ZEB2: variants seen among roughly 807,000 people sequenced by gnomAD.
The protein encoded by ZEB2 is zinc finger E-box binding homeobox 2, also known as zinc finger E-box-binding homeobox 2.
A neutral mutation model predicts 99.9 loss-of-function variants in ZEB2; 6 were observed. The observed-to-expected ratio is 0.06, with a 90% CI of 0.03 to 0.12. The LOEUF is 0.12. Among genes scored for constraint, ZEB2 ranks in the 10% least tolerant of loss-of-function variants. The probability of loss-of-function intolerance (pLI) is 1.00; values close to 1 mark genes in which losing one functional copy is unlikely to be tolerated. For missense variants in ZEB2, 969 were observed against 1,502.8 expected (o/e 0.64, Z 5.87); for synonymous variants, 517 against 542.5 (o/e 0.95, Z 0.65).
At chr2:144,468,221 A>G (rs1395617248) in intron 2 of ZEB2, among the ~76,000 whole-genome samples, 1 of 152,146 alleles carries the variant, frequency 6.6e-6, no homozygotes, top group Admixed American at 6.6e-5. Context: ...GGGAAGCTCG[A>G]TTCCATTTAT....
intron 4 of ZEB2, among the ~76,000 whole-genome samples, chr2:144,424,168 A>G (rs1703658388): frequency 6.6e-6 from 1 of 152,344 alleles, no homozygotes; most frequent in Non-Finnish European, 1.5e-5. Context: ...GCAGTAGCAG[A>G]GTAAAACAAA....
chr2:144,447,692 C>T (rs78888738), intron 2 of ZEB2, among the ~76,000 whole-genome samples: 2,462 of 152,292 alleles, frequency 0.016, 72 homozygotes, highest in African/African-American at 0.056. Flanking sequence ...GTCCCTAACT[C>T]GTAGCTGAGT....
intron 2 of ZEB2, among the ~76,000 whole-genome samples, chr2:144,465,793 G>A (rs1185996237): frequency 6.6e-6 from 1 of 152,102 alleles, no homozygotes; most frequent in African/African-American, 2.4e-5. Context: ...AGTGTCACTC[G>A]TACATATTTA....
intron 2 of ZEB2, chr2:144,455,154 C>T (rs2149901642): frequency 6.6e-6 from 1 of 152,264 alleles, no homozygotes; most frequent in East Asian, 1.9e-4. Context: ...AAACCTGCCG[C>T]TTCAATCCGC....
At chr2:144,396,215 G>A (rs1340448104) in intron 9 of ZEB2, among the ~76,000 whole-genome samples, 197 bp downstream of exon 9, 2 of 152,148 alleles carry the variant, frequency 1.3e-5, no homozygotes, top group African/African-American at 4.8e-5. Flanking sequence ...ATTAAGACAA[G>A]CACACTCATA....
intron 1 of ZEB2, chr2:144,518,202 TAAGAA>T (rs1478523782): frequency 1.3e-5 from 2 of 151,774 alleles, no homozygotes; most frequent in African/African-American, 2.4e-5. Context: ...TTTTTTCCCT[TAAGAA>T]AGGAAAGAGA....
At chr2:144,468,615 ACATGTGTGTGTG>A (rs1299410079) in intron 2 of ZEB2, among the ~76,000 whole-genome samples, 2 of 152,082 alleles carry the variant, frequency 1.3e-5, no homozygotes, top group African/African-American at 4.8e-5. Context: ...TGGAGTTAGC[ACATGTGTGTGTG>A]CATGTGTGTG....
intron 4 of ZEB2, among the ~76,000 whole-genome samples, chr2:144,414,966 G>GTGTGTGTGTT (rs112933478): frequency 6.7e-6 from 1 of 149,944 alleles, no homozygotes; most frequent in African/African-American, 2.5e-5. Context: ...GTGTGTGTGT[G>GTGTGTGTGTT]TTTGTATATG....
chr2:144,455,853 T>C (rs1489247456), intron 2 of ZEB2, among the ~76,000 whole-genome samples: 1 of 152,152 alleles, frequency 6.6e-6, no homozygotes, highest in African/African-American at 2.4e-5. Flanking sequence ...GAAGCCATTA[T>C]TATTACTTAA....
At chr2:144,447,750 T>A (rs1305710243) in intron 2 of ZEB2, among the ~76,000 whole-genome samples, 1 of 152,190 alleles carries the variant, frequency 6.6e-6, no homozygotes, top group African/African-American at 2.4e-5. Flanking sequence ...ATCTAGCCGC[T>A]TTCAGGGCCC....
chr2:144,444,499 G>A (rs569467689), intron 2 of ZEB2, among the ~76,000 whole-genome samples: 22 of 152,308 alleles, frequency 1.4e-4, no homozygotes, highest in African/African-American at 3.8e-4. Context: ...GCTGGGGGTC[G>A]GGGATTTAAA....
rs201944188 is a variant in ZEB2, at chr2:144,440,515, ATTTTTTTTTTTTTTTTT to A, written c.74-10506_74-10490del. Among the ~76,000 whole-genome samples the A allele has an allele frequency of 9.7e-3, 318 of 32,736 alleles. 5 individuals carry two copies. Among genetic ancestry groups the A allele is most frequent in the Middle Eastern group, 0.043 (2 of 46 alleles). 21.5% of individuals were successfully genotyped at this position (32,736 alleles called of 152,430 possible). On this transcript the variant is annotated intron_variant, in intron 2 of 9. Transcript: ENST00000627532. ...TATATATATATATATATATATATAT[ATTTTTTTTTTTTTTTTT>A]TTTTTTTTTTAACTAGTGGTTAACT...
intron 4 of ZEB2, among the ~76,000 whole-genome samples, chr2:144,421,592 T>C (rs1256976579): frequency 6.6e-6 from 1 of 152,170 alleles, no homozygotes; most frequent in East Asian, 1.9e-4. Flanking sequence ...AACTGAGTTC[T>C]CACCTTTACG....
At chr2:144,510,702 CTCTCTCTCTCTCTCTT>C (rs1205986526) in intron 2 of ZEB2, among the ~76,000 whole-genome samples, 8 of 152,126 alleles carry the variant, frequency 5.3e-5, no homozygotes, top group Admixed American at 1.3e-4. Context: ...CTCTCTCTCT[CTCTCTCTCTCTCTCTT>C]TCTCTCTCTC....
At chr2:144,420,890 C>A (rs952364888) in intron 4 of ZEB2, among the ~76,000 whole-genome samples, 1 of 152,232 alleles carries the variant, frequency 6.6e-6, no homozygotes, top group Middle Eastern at 3.4e-3. Context: ...CACTTATTAT[C>A]GGACTGAAGA....
intron 2 of ZEB2, among the ~76,000 whole-genome samples, chr2:144,437,545 A>G (rs979586692): frequency 1.3e-5 from 2 of 152,192 alleles, no homozygotes; most frequent in Admixed American, 1.3e-4. Flanking sequence ...TATGCTCACT[A>G]TCATGCCTGA....
rs1703128150 is a variant in ZEB2 at position 144,389,635 on chromosome 2, T to C, written c.3461A>G (p.Gln1154Arg). Residue 1154 changes from glutamine to arginine, a missense_variant, in exon 10 of 10, where the codon CAG becomes CGG. By Grantham distance (43) the Gln-to-Arg change is conservative (BLOSUM62 1). This residue lies in a region of ZEB2 where 121 missense variants were observed against 166.4 expected (regional missense o/e 0.73). Coordinates refer to ENST00000627532, the MANE Select transcript of ZEB2 (RefSeq NM_014795.4). This position sits in a 1 kb window ranked among gnomAD's most constrained non-coding sequence, Gnocchi z 6.8. ...CTCCTCGAACTCCTCGTCGCCATCC[T>C]GTCTGCCCAGCTTCCCGTAGCCATC... ...GEDGYGKLGRQDGDEEFEEEE... is the reference protein window; with the variant it reads ...GEDGYGKLGRRDGDEEFEEEE... 6.2e-7 allele frequency: 1 copy of C among 1,614,164 alleles called. No individual in the cohort carries two copies.
chr2:144,450,926 C>A (rs189392529), intron 2 of ZEB2, among the ~76,000 whole-genome samples: 71 of 152,338 alleles, frequency 4.7e-4, no homozygotes, highest in Middle Eastern at 3.4e-3. Flanking sequence ...GATCCGCCTG[C>A]CTTGGCCTCC....
chr2:144,455,015 T>G (rs1046469132), intron 2 of ZEB2: 2 of 152,146 alleles, frequency 1.3e-5, no homozygotes, highest in African/African-American at 4.8e-5. Context: ...CCGATTTCAT[T>G]TCCTGTAAAA....
Sources: allele counts gnomAD v4.1 joint callset (sites outside exome capture counted in the v4.1 genomes callset), GRCh38; gene constraint gnomAD v4.1.1; regional missense constraint gnomAD v4.1.1; non-coding constraint Gnocchi (gnomAD v3.1); transcripts MANE v1.5; gene names NCBI Gene and HGNC (gene_info 2026-07-23, HGNC 2026-07-21).